Variants in AGL observed in about 807,000 individuals in gnomAD.
AGL encodes the protein amylo-alpha-1,6-glucosidase and 4-alpha-glucanotransferase.
Under a neutral mutation model 199.3 loss-of-function variants are expected in AGL, and 128 were observed. The ratio of observed to expected loss-of-function variants is 0.64; its 90% CI spans 0.56 to 0.74. AGL has a LOEUF of 0.74. AGL is among the 30% of genes least tolerant of loss of function. The pLI, the probability that AGL is intolerant of heterozygous loss-of-function variation, is 0.00. For missense variants in AGL, 1,809 were observed against 1,820.8 expected (o/e 0.99, Z 0.12); for synonymous variants, 584 against 594.7 (o/e 0.98, Z 0.26).
chr1:99,902,842 T>C (rs769730279), intron 27 of AGL, 48 bp downstream of exon 27: 1 of 1,400,042 alleles, frequency 7.1e-7, no homozygotes, highest in Non-Finnish European at 1.0e-6. Context: ...GGTGATGAAA[T>C]TAAACCTTGC....
chr1:99,897,564 C>T (rs527295640), intron 25 of AGL, among the ~76,000 whole-genome samples: 21 of 152,186 alleles, frequency 1.4e-4, no homozygotes, highest in African/African-American at 4.3e-4. Flanking sequence ...TTTGTTAATC[C>T]GATATATAGT....
At chr1:99,852,006 A>AT (rs1648988153) in intron 2 of AGL, among the ~76,000 whole-genome samples, 1 of 151,368 alleles carries the variant, frequency 6.6e-6, no homozygotes, top group Admixed American at 6.6e-5. Context: ...GGCTTTCCTG[A>AT]CTCTGCACTT....
chr1:99,861,512 T>C lies in AGL; in HGVS notation c.92T>C (p.Leu31Pro), dbSNP rs1650032026. 1.2e-6 allele frequency: 2 copies of C among 1,613,844 alleles called. No homozygotes were observed. Among genetic ancestry groups the C allele is most frequent in the Non-Finnish European group, 1.7e-6 (2 of 1,179,902 alleles). Residue 31 changes from leucine to proline, a missense_variant, in exon 3 of 34, where the codon CTA becomes CCA. Coordinates refer to ENST00000361915, the MANE Select transcript of AGL (RefSeq NM_000642.3). ...TGTGCTTTTTATTTAGGGTATGAGC[T>C]ACAGTTCCGATTAGGCCCAACTTTA... is the stretch of plus-strand genomic sequence containing the variant. Reference protein sequence around the residue: ...TLFRLEQGYELQFRLGPTLQG... With the variant: ...TLFRLEQGYEPQFRLGPTLQG...
chr1:99,857,919 G>A (rs1649700615), intron 2 of AGL, among the ~76,000 whole-genome samples: 1 of 151,798 alleles, frequency 6.6e-6, no homozygotes, highest in South Asian at 2.1e-4. Context: ...TTATATGTTA[G>A]CAACATTGAA....
chr1:99,912,184 A>G (rs1377358321), intron 28 of AGL, among the ~76,000 whole-genome samples: 3 of 152,128 alleles, frequency 2.0e-5, no homozygotes, highest in Non-Finnish European at 2.9e-5. Context: ...CCCATTCTAC[A>G]TCATAGAATT....
At position 99,864,543 on chromosome 1, in the gene AGL, G is replaced by A. The variant is rs748570736; in HGVS notation, c.618G>A (p.Lys206=). The change falls in exon 5 of 34, where the codon AAG becomes AAA. Residue 206 remains lysine (K), a synonymous_variant. Transcript: ENST00000361915. ...GACAGCTAGTGGAAAAATTAAAAAA[G>A]GAATGGAATGTTATTTGTATTACTG... The part of the protein sequence containing the change: ...DVGQLVEKLK[K]EWNVICITDV... The A allele has an allele frequency of 3.1e-6, 5 of 1,613,666 alleles. No individual in the cohort carries two copies. The highest frequency in any genetic ancestry group is 4.2e-6 in the Non-Finnish European group (5 of 1,179,912).
At position 99,863,923 on chromosome 1, in the gene AGL, C is replaced by T. The variant is rs1467489014; in HGVS notation, c.461-463C>T. 3.3e-5 allele frequency among the ~76,000 whole-genome samples: 5 copies of T among 151,930 alleles called. No homozygotes were observed. In the East Asian group the frequency reaches 7.7e-4, roughly 24 times the overall value. Reference sequence around the variant, plus strand: ...TCCCAAAGTGCTGGGATTACAGGTGCAAACCACTGCACCTGATCTCAATAT... The same window carrying T: ...TCCCAAAGTGCTGGGATTACAGGTGTAAACCACTGCACCTGATCTCAATAT... On this transcript the variant is annotated intron_variant, in intron 4 of 33. Transcript: ENST00000361915.
chr1:99,882,322 T>C (rs1652107316), intron 17 of AGL, among the ~76,000 whole-genome samples: 1 of 152,218 alleles, frequency 6.6e-6, no homozygotes, highest in African/African-American at 2.4e-5. Flanking sequence ...ACAATATGTA[T>C]ATTTGTGTTA....
chr1:99,921,502 T>C (rs769206437), intron 33 of AGL, 32 bp from the exon 34 acceptor site: 1 of 1,476,424 alleles, frequency 6.8e-7, no homozygotes. Flanking sequence ...AATTAAATTA[T>C]GTCTTTGTAA....
chr1:99,889,651 C>G (rs1652728338), intron 21 of AGL, among the ~76,000 whole-genome samples: 1 of 152,072 alleles, frequency 6.6e-6, no homozygotes. Flanking sequence ...GAGTAATTAT[C>G]TACTTCATTT....
chr1:99,901,365 G>A (rs1653821219), intron 26 of AGL, among the ~76,000 whole-genome samples: 1 of 103,182 alleles, frequency 9.7e-6, no homozygotes, highest in Non-Finnish European at 1.8e-5. Context: ...AGGCAACATA[G>A]CAAAACTCAG....
In AGL at chr1:99,864,296, C is replaced by A. The variant is rs181189615; in HGVS notation, c.461-90C>A. Reference sequence around the variant, plus strand: ...ATGCTTGCCTTGCTATTTATAATTACTTAAGAAAGTTTAAATTTATATTTT... The same window carrying A: ...ATGCTTGCCTTGCTATTTATAATTAATTAAGAAAGTTTAAATTTATATTTT... On this transcript the variant is annotated intron_variant, in intron 4 of 33. Coordinates refer to ENST00000361915, the MANE Select transcript of AGL (RefSeq NM_000642.3). 2.0e-4 allele frequency: 241 copies of A among 1,218,820 alleles called. No homozygotes were observed. In the East Asian group the frequency reaches 4.6e-3, roughly 23 times the overall value. 75.5% of individuals were successfully genotyped at this position (1,218,820 alleles called of 1,614,324 possible). A position where few individuals can be genotyped will look rare whatever the true frequency, so the allele number is the denominator to read the frequency against.
At chr1:99,879,371 G>A (rs1372490223) in intron 12 of AGL, among the ~76,000 whole-genome samples, 1 of 152,164 alleles carries the variant, frequency 6.6e-6, no homozygotes. Context: ...GATCAGCTGA[G>A]GTTGGGAGTT....
At position 99,851,099 on chromosome 1, in the gene AGL, A is replaced by G. The variant is rs1462906506; in HGVS notation, c.57A>G (p.Glu19=). Residue 19 remains glutamate, a synonymous_variant, in exon 2 of 34, where the codon GAA becomes GAG. Transcript: ENST00000361915. ...ILLLNEMEKL[E]KTLFRLEQGY... ...TTCTGAACGAAATGGAGAAACTGGAAAAGACCCTCTTCAGACTTGAACAAG... is the reference window on the plus strand; with the variant it reads ...TTCTGAACGAAATGGAGAAACTGGAGAAGACCCTCTTCAGACTTGAACAAG... The G allele has an allele frequency of 6.2e-7, 1 of 1,614,104 alleles. No individual in the cohort carries two copies. Among genetic ancestry groups the G allele is most frequent in the Non-Finnish European group, 8.5e-7 (1 of 1,179,974 alleles).
intron 5 of AGL, among the ~76,000 whole-genome samples, chr1:99,867,285 A>G (rs1272697936): frequency 3.3e-5 from 5 of 152,320 alleles, no homozygotes; most frequent in Admixed American, 2.0e-4. Flanking sequence ...TAGCATATGG[A>G]GAAACATATG....
At chr1:99,919,294 A>G (rs187306843) in intron 33 of AGL, among the ~76,000 whole-genome samples, 3 of 152,252 alleles carry the variant, frequency 2.0e-5, no homozygotes, top group Non-Finnish European at 4.4e-5. Flanking sequence ...CCTAATGTCT[A>G]ATGTCTTAAT....
At position 99,884,642 on chromosome 1, in the gene AGL, T is replaced by C; in HGVS notation, c.2620T>C (p.Phe874Leu). The C allele has an allele frequency of 1.9e-6, 3 of 1,614,040 alleles. No homozygotes were observed. The highest frequency in any genetic ancestry group is 2.5e-6 in the Non-Finnish European group (3 of 1,179,942). Residue 874 changes from phenylalanine to leucine, a missense_variant, in exon 20 of 34, where the codon TTT (phenylalanine) becomes CTT (leucine). Phe to Leu is a conservative substitution (Grantham distance 22). Transcript: ENST00000361915. The stretch of plus-strand genomic sequence containing the variant: ...TCATCTGACACAATTCAGTCCTCAC[T>C]TTAAATCTGGCAGCCTAGCTGTTGA... ...RNHLTQFSPH[F>L]KSGSLAVDNA...
chr1:99,881,102 A>G lies in AGL; in HGVS notation c.1926A>G (p.Pro642=), dbSNP rs2100758481. 6.2e-7 allele frequency: 1 copy of G among 1,613,972 alleles called. No homozygotes were observed. Among genetic ancestry groups the G allele is most frequent in the African/African-American group, 1.3e-5 (1 of 75,034 alleles). Residue 642 remains proline (P), a synonymous_variant, in exon 15 of 34, where the codon CCA becomes CCG. Coordinates refer to ENST00000361915, the MANE Select transcript of AGL (RefSeq NM_000642.3). ...ATAGATCAGCGTATGATGCTCTTCCAAGTACTACAATTGTTTCTATGGCAT... is the reference window on the plus strand; with the variant it reads ...ATAGATCAGCGTATGATGCTCTTCCGAGTACTACAATTGTTTCTATGGCAT... ...IVHRSAYDAL[P]STTIVSMACC...
intron 20 of AGL, among the ~76,000 whole-genome samples, chr1:99,886,752 C>T (rs1486753784): frequency 1.3e-5 from 2 of 151,974 alleles, no homozygotes; most frequent in Non-Finnish European, 2.9e-5. Flanking sequence ...CTATTGTGTT[C>T]GGCTTTCTTT....
Sources: allele counts gnomAD v4.1 joint callset (sites outside exome capture counted in the v4.1 genomes callset), GRCh38; gene constraint gnomAD v4.1.1; transcripts MANE v1.5; gene names NCBI Gene and HGNC (gene_info 2026-07-23, HGNC 2026-07-21).